Variants in CFAP46 observed in about 807,000 individuals in gnomAD.
The protein encoded by CFAP46 is cilia and flagella associated protein 46.
In CFAP46, 245 loss-of-function variants were observed where a neutral mutation model predicts 325.7. That is an observed-to-expected ratio of 0.75 (90% confidence interval 0.68 to 0.84). The LOEUF is 0.84. CFAP46 is among the 40% of genes least tolerant of loss of function. The pLI is 0.00. For synonymous variants in CFAP46, 1,523 were observed against 1,495.9 expected, an observed-to-expected ratio of 1.02 and a Z score of -0.42; for missense variants, 3,346 against 3,543.0, an observed-to-expected ratio of 0.94 and a Z score of 1.41.
In CFAP46 at chr10:132,912,944, T is replaced by C. The variant is rs1849576722; in HGVS notation, c.2333+102A>G. The C allele has an allele frequency of 3.4e-6, 5 of 1,475,360 alleles. No homozygotes were observed. The South Asian group carries it at 6.4e-5, about 19-fold the overall frequency. 91.4% of individuals were successfully genotyped at this position (1,475,360 alleles called of 1,614,324 possible). ...ACGGGTGCCCACGACCCTCCTCTGC[T>C]GGGACACAGAGGGCCATGGAGTGCA... On this transcript the variant is annotated intron_variant, in intron 18 of 57. Coordinates refer to ENST00000368586, the MANE Select transcript of CFAP46 (RefSeq NM_001200049.3).
chr10:132,919,268 G>A lies in CFAP46; in HGVS notation c.1858+47C>T, dbSNP rs1385477080. 1.4e-5 allele frequency: 21 copies of A among 1,521,530 alleles called. No homozygotes were observed. Among genetic ancestry groups the A allele is most frequent in the South Asian group, 6.2e-5 (5 of 81,126 alleles). The allele number at this position is 1,521,530 out of a possible 1,614,324, so 94.3% of individuals were successfully genotyped here. Reference sequence around the variant, plus strand: ...ACCACAACCCTTCCCACACCCAGAGGGCGGCCGTGGCCAGGCTGGGACACA... The same window carrying A: ...ACCACAACCCTTCCCACACCCAGAGAGCGGCCGTGGCCAGGCTGGGACACA... On this transcript the variant is annotated intron_variant, in intron 15 of 57. Coordinates refer to ENST00000368586, the MANE Select transcript of CFAP46 (RefSeq NM_001200049.3). The surrounding 1 kb of genome is among the most constrained non-coding windows in gnomAD (Gnocchi z 9.7).
intron 8 of CFAP46, among the ~76,000 whole-genome samples, chr10:132,932,590 G>GCGTCTTCCTCCTCCC (rs1439495131): frequency 6.8e-6 from 1 of 148,054 alleles, no homozygotes; most frequent in Non-Finnish European, 1.5e-5. Context: ...CATAGATCCT[G>GCGTCTTCCTCCTCCC]CAGCTTCCTC....
chr10:132,824,781 T>C (rs1432747796), intron 50 of CFAP46, among the ~76,000 whole-genome samples: 7 of 130,842 alleles, frequency 5.3e-5, no homozygotes, highest in African/African-American at 2.1e-4. Context: ...GTATGTTGTG[T>C]GAGTGCTGAT....
In CFAP46 at chr10:132,833,305, T is replaced by C. The variant is rs1214182682; in HGVS notation, c.7117+53A>G. On this transcript the variant is annotated intron_variant, in intron 50 of 57. Coordinates refer to ENST00000368586, the MANE Select transcript of CFAP46 (RefSeq NM_001200049.3). ...ACATTGTTTCATCTGAAAAATAATT[T>C]AAATATTTCCATTTTAAAATTACAC... The C allele has an allele frequency of 2.6e-6, 4 of 1,516,062 alleles. No homozygotes were observed. In the African/African-American group the frequency reaches 4.2e-5, roughly 16 times the overall value. The allele number at this position is 1,516,062 out of a possible 1,614,324, so 93.9% of individuals were successfully genotyped here.
intron 44 of CFAP46, among the ~76,000 whole-genome samples, chr10:132,842,058 G>A (rs940208407): frequency 2.4e-4 from 37 of 152,184 alleles, no homozygotes; most frequent in Non-Finnish European, 2.4e-4. Context: ...CACTCTTTAC[G>A]TGGCCAGGCT....
intron 5 of CFAP46, 103 bp downstream of exon 5, chr10:132,938,486 G>T: frequency 8.9e-7 from 1 of 1,123,396 alleles, no homozygotes; most frequent in Non-Finnish European, 1.3e-6. Flanking sequence ...GTGTGCCCCA[G>T]TGATGTGGAA....
At chr10:132,837,116 A>G in intron 44 of CFAP46, 1 of 518,200 alleles carries the variant, frequency 1.9e-6, no homozygotes, top group Non-Finnish European at 3.4e-6. Flanking sequence ...GAGGCACGCA[A>G]GAGTCACCGG....
intron 39 of CFAP46, among the ~76,000 whole-genome samples, chr10:132,855,269 T>C (rs1718985072): frequency 1.3e-5 from 2 of 152,258 alleles, no homozygotes. Flanking sequence ...GTTTGCACTA[T>C]AAAATGAGTT....
Position 132,817,658 on chromosome 10 carries a change from G to A in CFAP46, c.7118-2744C>T, listed in dbSNP as rs188228741. Among the ~76,000 whole-genome samples the A allele has an allele frequency of 2.3e-4, 35 of 152,304 alleles. No homozygotes were observed. The highest frequency in any genetic ancestry group is 5.8e-4 in the African/African-American group (24 of 41,576). On this transcript the variant is annotated intron_variant, in intron 50 of 57. Transcript: ENST00000368586. This position sits in a 1 kb window ranked among gnomAD's most constrained non-coding sequence, Gnocchi z 4.4. ...TTACGGCAGTGCGGCCACACCTGGC[G>A]GCGCCCCAGACTCAGCGGTTGGCGG... is the stretch of plus-strand genomic sequence containing the variant.
At chr10:132,879,384 G>T in intron 29 of CFAP46, 42 bp downstream of exon 29, 1 of 1,445,514 alleles carries the variant, frequency 6.9e-7, no homozygotes, top group South Asian at 1.5e-5. Flanking sequence ...GGCCCGTCCC[G>T]GGAGGTGCTG....
At chr10:132,917,224 G>A (rs567456615) in intron 16 of CFAP46, among the ~76,000 whole-genome samples, 2 of 152,384 alleles carry the variant, frequency 1.3e-5, no homozygotes, top group African/African-American at 4.8e-5. Context: ...CAGACATACT[G>A]CCTAAATCGG....
chr10:132,848,127 G>C (rs867935425), intron 41 of CFAP46, among the ~76,000 whole-genome samples: 8 of 152,138 alleles, frequency 5.3e-5, no homozygotes, highest in African/African-American at 1.9e-4. Context: ...CCCCAGGACC[G>C]AGACCACTCG....
intron 50 of CFAP46, among the ~76,000 whole-genome samples, chr10:132,831,100 G>GTC (rs1217302547): frequency 1.3e-5 from 2 of 152,084 alleles, no homozygotes; most frequent in Non-Finnish European, 2.9e-5. Context: ...CATGGTTTCT[G>GTC]TTATTAAGTT....
chr10:132,911,393 C>T (rs187330770), intron 19 of CFAP46, among the ~76,000 whole-genome samples: 269 of 152,260 alleles, frequency 1.8e-3, no homozygotes, highest in African/African-American at 6.2e-3. Flanking sequence ...TATCCATGGC[C>T]CAGAAAGGGT....
At chr10:132,931,580 C>T (rs1226332277) in intron 8 of CFAP46, among the ~76,000 whole-genome samples, 2 of 147,642 alleles carry the variant, frequency 1.4e-5, no homozygotes, top group African/African-American at 5.1e-5. Flanking sequence ...TCCTCCTCCC[C>T]ACACAGAGCC....
rs1433041754 is a variant in CFAP46, at chr10:132,899,114, C to T, written c.3064G>A (p.Gly1022Ser). 1.3e-6 allele frequency: 2 copies of T among 1,549,138 alleles called. No homozygotes were observed. Among genetic ancestry groups the T allele is most frequent in the African/African-American group, 2.7e-5 (2 of 72,992 alleles). ...ACCAGGGCGCTGCTGCCCGCGATGC[C>T]TCCGAACCTAAAAGAGGGCAGGTCA... Reference protein sequence around the residue: ...KAFTESARFGGIAGSSALVML... With the variant: ...KAFTESARFGSIAGSSALVML... The change falls in exon 24 of 58, where the codon GGC becomes AGC. Residue 1022 changes from glycine (G) to serine (S), a missense_variant. Physicochemically the swap from Gly to Ser is moderately conservative, Grantham distance 56 (BLOSUM62 0). Coordinates refer to ENST00000368586, the MANE Select transcript of CFAP46 (RefSeq NM_001200049.3).
intron 34 of CFAP46, 138 bp downstream of exon 34, chr10:132,867,237 G>T (rs1055834313): frequency 1.1e-5 from 11 of 981,904 alleles, no homozygotes; most frequent in Admixed American, 8.8e-5. Flanking sequence ...CTCACACACT[G>T]ACACACACCC....
chr10:132,841,869 A>G (rs1195972748), intron 44 of CFAP46, among the ~76,000 whole-genome samples: 2 of 152,150 alleles, frequency 1.3e-5, no homozygotes, highest in Non-Finnish European at 2.9e-5. Flanking sequence ...CACATCCACC[A>G]GTGCAATTCT....
At position 132,887,209 on chromosome 10, in the gene CFAP46, C is replaced by CTCTCCTCTCGCTT. The variant is rs1353919040; in HGVS notation, c.3305-1251_3305-1250insAAGCGAGAGGAGA. Among the ~76,000 whole-genome samples the CTCTCCTCTCGCTT allele has an allele frequency of 7.5e-4, 61 of 81,770 alleles. 3 individuals carry two copies. Among genetic ancestry groups the CTCTCCTCTCGCTT allele is most frequent in the South Asian group, 1.3e-3 (3 of 2,298 alleles). 53.6% of individuals were successfully genotyped at this position (81,770 alleles called of 152,430 possible). Reference sequence around the variant, plus strand: ...CTCTCTCTCCTCTCTCCTCTTCTTTCCTCTCCCCTCTTCTCTCTCTCCTCT... The same window carrying CTCTCCTCTCGCTT: ...CTCTCTCTCCTCTCTCCTCTTCTTTCTCTCCTCTCGCTTCTCTCCCCTCTTCTCTCTCTCCTCT... On this transcript the variant is annotated intron_variant, in intron 25 of 57. Transcript: ENST00000368586.
Sources: gnomAD v4.1 joint callset for allele counts (sites outside exome capture counted in the v4.1 genomes callset) on GRCh38, gnomAD v4.1.1 for gene constraint, Gnocchi (gnomAD v3.1) non-coding constraint, MANE v1.5 for transcripts, NCBI Gene and HGNC (gene_info 2026-07-23, HGNC 2026-07-21) for gene names.